Variants in REPS2 observed in about 807,000 individuals in gnomAD.
REPS2 encodes RALBP1 associated Eps domain containing 2, also known as ralBP1-associated Eps domain-containing protein 2.
In REPS2, 23 loss-of-function variants were observed where a neutral mutation model predicts 53.6. That is an observed-to-expected ratio of 0.43 (90% CI 0.31 to 0.61). The LOEUF is 0.61. Among genes scored for constraint, REPS2 ranks in the 20% least tolerant of loss-of-function variants. The pLI is 0.11. For missense variants in REPS2, 446 were observed against 534.9 expected, an observed-to-expected ratio of 0.83 and a Z score of 1.64; for synonymous variants, 238 against 218.6, an observed-to-expected ratio of 1.09 and a Z score of -0.78.
chrX:16,994,369 ATACATATATATACACACACG>A (rs893312194), intron 1 of REPS2, among the ~76,000 whole-genome samples: 2 of 78,930 alleles, frequency 2.5e-5, no homozygotes, highest in African/African-American at 1.1e-4. Flanking sequence ...GTACATATAT[ATACATATATATACACACACG>A]TACATATATA....
intron 6 of REPS2, among the ~76,000 whole-genome samples, chrX:17,050,273 T>C (rs2061983443): frequency 1.0e-5 from 1 of 96,533 alleles, no homozygotes; most frequent in Admixed American, 1.2e-4. Context: ...CACTGCAGCC[T>C]TGACCTCCTG....
the REPS2 span, among the ~76,000 whole-genome samples, chrX:17,169,096 C>G: frequency 7.1e-5 from 8 of 112,439 alleles, no homozygotes; most frequent in East Asian, 2.2e-3. Context: ...GAGGAAACTT[C>G]TAGACTTATA....
At chrX:17,147,150 C>T (rs1904314106) in intron 17 of REPS2, among the ~76,000 whole-genome samples, 1 of 111,605 alleles carries the variant, frequency 9.0e-6, no homozygotes, top group Non-Finnish European at 1.9e-5. Flanking sequence ...CAGGCTAAAA[C>T]TAGGGCAGGG....
At chrX:17,182,190 C>CT in the REPS2 span, among the ~76,000 whole-genome samples, 4 of 102,402 alleles carry the variant, frequency 3.9e-5, no homozygotes, top group Admixed American at 2.1e-4. Context: ...ATCTATCTAT[C>CT]ATCTATCTAT....
rs546938902 is a variant in REPS2, at chrX:17,093,844, A to G, written c.1517-9874A>G. ...GTGAATAATCAACTTGTTTCTTTTC[A>G]AAGTACTTGCCCTTGATTCAACCAC... On this transcript the variant is annotated intron_variant, in intron 13 of 17. Transcript: ENST00000357277. Among the ~76,000 whole-genome samples, 43 of 111,122 alleles carry G rather than the reference A, an allele frequency of 3.9e-4. No homozygotes were observed. The South Asian group carries it at 0.017, about 43-fold the overall frequency.
At chrX:17,182,182 C>CTATT in the REPS2 span, among the ~76,000 whole-genome samples, 4 of 109,221 alleles carry the variant, frequency 3.7e-5, no homozygotes, top group African/African-American at 1.3e-4. Context: ...ATCTATCTAT[C>CTATT]TATCTATCAT....
chrX:16,964,812 C>T (rs1204318254), intron 1 of REPS2, among the ~76,000 whole-genome samples: 8 of 33,651 alleles, frequency 2.4e-4, no homozygotes, highest in Non-Finnish European at 3.3e-4. Context: ...CCCTCCCGGA[C>T]GGGGCGGCTG....
chrX:16,996,964 C>A (rs1220959910), intron 1 of REPS2, among the ~76,000 whole-genome samples: 1 of 112,366 alleles, frequency 8.9e-6, no homozygotes, highest in South Asian at 3.6e-4. Flanking sequence ...TACCAAATAA[C>A]CTCAATCTGT....
intron 13 of REPS2, chrX:17,100,198 T>C (rs1228325923): frequency 1.5e-5 from 9 of 599,151 alleles, no homozygotes; most frequent in Admixed American, 1.4e-4. Flanking sequence ...CCTTCCACTT[T>C]AGGAGGTACT....
At chrX:16,985,805 G>T (rs931205449) in intron 1 of REPS2, among the ~76,000 whole-genome samples, 1 of 111,458 alleles carries the variant, frequency 9.0e-6, no homozygotes, top group African/African-American at 3.3e-5. Flanking sequence ...TGTGTACGGG[G>T]GTTCTTAGCA....
intron 14 of REPS2, 71 bp from the exon 15 acceptor site, chrX:17,133,753 A>G: frequency 1.1e-6 from 1 of 913,304 alleles, no homozygotes; most frequent in South Asian, 2.0e-5. Flanking sequence ...TATCTTCCTA[A>G]GTGCTCTTTA....
intron 13 of REPS2, among the ~76,000 whole-genome samples, chrX:17,088,730 C>CCCA (rs1168025756): frequency 9.2e-6 from 1 of 109,213 alleles, no homozygotes; most frequent in African/African-American, 3.3e-5. Flanking sequence ...ACTACAGGTG[C>CCCA]CCACCACCAC....
chrX:17,083,150 T>A (rs2062481534), intron 13 of REPS2, among the ~76,000 whole-genome samples: 1 of 102,673 alleles, frequency 9.7e-6, no homozygotes, highest in African/African-American at 3.6e-5. Flanking sequence ...TGGCGTGATC[T>A]CAGCTCACTG....
chrX:17,090,562 T>C (rs940063438), intron 13 of REPS2, among the ~76,000 whole-genome samples: 4 of 112,233 alleles, frequency 3.6e-5, no homozygotes, highest in African/African-American at 9.7e-5. Context: ...ACTCAAATCA[T>C]GCTCATTAAA....
At chrX:17,131,248 TAC>T (rs1261303853) in intron 14 of REPS2, among the ~76,000 whole-genome samples, 24 of 111,604 alleles carry the variant, frequency 2.2e-4, no homozygotes, top group Non-Finnish European at 9.4e-5. Flanking sequence ...AGTGAATGAC[TAC>T]AGTTAGGAGA....
intron 14 of REPS2, among the ~76,000 whole-genome samples, chrX:17,114,593 A>G (rs2063021320): frequency 8.9e-6 from 1 of 112,322 alleles, no homozygotes; most frequent in South Asian, 3.7e-4. Flanking sequence ...TATGACAACT[A>G]GAATAAAAAG....
At chrX:17,127,745 A>G (rs1268365822) in intron 14 of REPS2, among the ~76,000 whole-genome samples, 1 of 111,791 alleles carries the variant, frequency 8.9e-6, no homozygotes, top group African/African-American at 3.3e-5. Context: ...CAGAAACTTA[A>G]AACAACTGAC....
At chrX:17,115,582 T>A (rs1346568860) in intron 14 of REPS2, among the ~76,000 whole-genome samples, 1 of 111,708 alleles carries the variant, frequency 9.0e-6, no homozygotes, top group Non-Finnish European at 1.9e-5. Flanking sequence ...TGGGGGACGG[T>A]CAGGTCTTTC....
chrX:16,965,934 C>T (rs1161370862), intron 1 of REPS2, among the ~76,000 whole-genome samples: 2 of 112,674 alleles, frequency 1.8e-5, no homozygotes, highest in Non-Finnish European at 3.8e-5. Flanking sequence ...ACAGCGAATC[C>T]CCATCTCCAC....
Sources: allele counts gnomAD v4.1 joint callset (sites outside exome capture counted in the v4.1 genomes callset), GRCh38; gene constraint gnomAD v4.1.1; transcripts MANE v1.5; gene names NCBI Gene and HGNC (gene_info 2026-07-23, HGNC 2026-07-21).